TTC23L: variants seen among roughly 807,000 people sequenced by gnomAD.
TTC23L encodes the protein tetratricopeptide repeat protein 23-like.
Under a neutral mutation model 48.1 loss-of-function variants are expected in TTC23L, and 42 were observed. The observed-to-expected ratio is 0.87, with a 90% CI of 0.68 to 1.13. The LOEUF (loss-of-function observed/expected upper bound fraction) is 1.13, where lower values mean the gene tolerates loss of function less well. Among genes scored for constraint, TTC23L ranks in the 50% most tolerant of loss-of-function variants. TTC23L has a pLI of 0.00. For missense variants in TTC23L, 391 were observed against 421.0 expected (o/e 0.93, Z 0.62); for synonymous variants, 159 against 157.2 (o/e 1.01, Z -0.09).
At chr5:34,864,601 T>C in intron 6 of TTC23L, 39 bp downstream of exon 6, 1 of 1,592,540 alleles carries the variant, frequency 6.3e-7, no homozygotes, top group Non-Finnish European at 8.5e-7. Context: ...CTTTTATGAA[T>C]GAGGCTTGGA....
intron 4 of TTC23L, among the ~76,000 whole-genome samples, chr5:34,860,361 C>G (rs1188804218): frequency 6.6e-6 from 1 of 152,180 alleles, no homozygotes; most frequent in Non-Finnish European, 1.5e-5. Context: ...AAGATGAGTC[C>G]TACTTCTTCG....
At chr5:34,915,792 G>T in the TTC23L span, 3 of 1,594,180 alleles carry the variant, frequency 1.9e-6, no homozygotes, top group Non-Finnish European at 2.6e-6. Flanking sequence ...AGGCGAAGAA[G>T]CCAAAAAGAA....
At chr5:34,923,156 T>C in the TTC23L span, 1 of 1,614,004 alleles carries the variant, frequency 6.2e-7, no homozygotes, top group Non-Finnish European at 8.5e-7. Flanking sequence ...CACGGTATCA[T>C]CCCAAAAGCC....
chr5:34,904,295 C>CA (rs751060819), downstream of TTC23L, among the ~76,000 whole-genome samples: 2 of 147,810 alleles, frequency 1.4e-5, no homozygotes, highest in Admixed American at 1.3e-4. Flanking sequence ...AGCAAGCAAA[C>CA]AAAAAAGTTT....
At chr5:34,914,948 G>A in the TTC23L span, 1 of 1,590,356 alleles carries the variant, frequency 6.3e-7, no homozygotes, top group Non-Finnish European at 8.6e-7. Context: ...ACTTCTCGGC[G>A]GATCGCCAAA....
At chr5:34,918,740 A>C in the TTC23L span, 1 of 280,876 alleles carries the variant, frequency 3.6e-6, no homozygotes, top group African/African-American at 2.2e-5. Context: ...CCTTCACTGT[A>C]ATGCTTCTGA....
At chr5:34,870,977 C>T (rs1761410749) in intron 8 of TTC23L, among the ~76,000 whole-genome samples, 1 of 152,146 alleles carries the variant, frequency 6.6e-6, no homozygotes, top group South Asian at 2.1e-4. Context: ...AAGGCATATA[C>T]CAAAAACCCT....
intron 9 of TTC23L, among the ~76,000 whole-genome samples, chr5:34,889,586 A>T (rs1000933679): frequency 6.6e-6 from 1 of 152,180 alleles, no homozygotes; most frequent in Non-Finnish European, 1.5e-5. Context: ...ATCATTACCC[A>T]GAGGAGGATG....
intron 9 of TTC23L, among the ~76,000 whole-genome samples, chr5:34,892,941 G>T (rs1038758886): frequency 6.6e-6 from 1 of 152,144 alleles, no homozygotes; most frequent in Non-Finnish European, 1.5e-5. Flanking sequence ...AACCATCAAA[G>T]AGTTTTGGGT....
At chr5:34,895,835 G>A (rs1763187321) in intron 9 of TTC23L, among the ~76,000 whole-genome samples, 1 of 152,222 alleles carries the variant, frequency 6.6e-6, no homozygotes, top group Admixed American at 6.5e-5. Context: ...TCTTGGGCAA[G>A]ACCTTAGTGA....
intron 2 of TTC23L, among the ~76,000 whole-genome samples, chr5:34,842,348 A>AT (rs34916959): frequency 0.16 from 24,411 of 147,998 alleles, 2,409 homozygotes; most frequent in Non-Finnish European, 0.21. Context: ...GTTGGATAGC[A>AT]TTTTTTTTTT....
chr5:34,866,776 AC>A, intron 6 of TTC23L, 115 bp from the exon 7 acceptor site: 1 of 914,118 alleles, frequency 1.1e-6, no homozygotes, highest in East Asian at 2.7e-5. Context: ...TGAGCCAGCT[AC>A]CAAGATGATG....
In TTC23L at chr5:34,863,964, G is replaced by A. The variant is rs1760866231; in HGVS notation, c.537-473G>A. Among the ~76,000 whole-genome samples, 1 of 152,168 alleles carries A rather than the reference G, an allele frequency of 6.6e-6. No homozygotes were observed. The highest frequency in any genetic ancestry group is 2.4e-5 in the African/African-American group (1 of 41,432). The stretch of plus-strand genomic sequence containing the variant: ...GCTATTGAAAATGTGGGAAATAGAA[G>A]AATGTTTGGGAATTAAGGGGATTTT... On this transcript the variant is annotated intron_variant, in intron 5 of 10. Transcript: ENST00000505624. This position sits in a 1 kb window ranked among gnomAD's most constrained non-coding sequence, Gnocchi z 4.1.
the TTC23L span, among the ~76,000 whole-genome samples, chr5:34,924,503 C>G: frequency 6.6e-6 from 1 of 152,142 alleles, no homozygotes. Context: ...AGAGTTCCCC[C>G]ATAATGTGCT....
chr5:34,892,787 G>T (rs1762954517), intron 9 of TTC23L, among the ~76,000 whole-genome samples: 1 of 152,164 alleles, frequency 6.6e-6, no homozygotes, highest in Non-Finnish European at 1.5e-5. Context: ...CTGAGGAAAA[G>T]CAAGTGGCCT....
intron 8 of TTC23L, among the ~76,000 whole-genome samples, chr5:34,878,679 C>CA (rs1181696935): frequency 6.6e-6 from 1 of 151,862 alleles, no homozygotes; most frequent in African/African-American, 2.4e-5. Context: ...ATGAAAAAGA[C>CA]AAAAAAACAA....
At chr5:34,876,861 A>T (rs1481250391) in intron 8 of TTC23L, among the ~76,000 whole-genome samples, 2 of 152,106 alleles carry the variant, frequency 1.3e-5, no homozygotes, top group African/African-American at 4.8e-5. Context: ...TGGGGGAGGG[A>T]TAGTGTCAGG....
Position 34,864,532 on chromosome 5 carries a change from C to CT in TTC23L, c.633dup (p.Glu212Ter). 6.2e-7 allele frequency: 1 copy of CT among 1,613,722 alleles called. No homozygotes were observed. Reference sequence around the variant, plus strand: ...GGAGGTGTTTGTGAATTACAAGTCTCTGAGAACGACCTAACACTTGCTTTG... The same window carrying CT: ...GGAGGTGTTTGTGAATTACAAGTCTCTTGAGAACGACCTAACACTTGCTTTG... On this transcript the variant is annotated frameshift_variant, in exon 6 of 11. Transcript: ENST00000505624. LOFTEE classifies it high-confidence loss of function.
the TTC23L span, chr5:34,915,884 G>T: frequency 9.0e-6 from 14 of 1,555,858 alleles, no homozygotes; most frequent in African/African-American, 2.7e-5. Flanking sequence ...CGGATCCCAG[G>T]CCCCGTTTGC....
Sources: gnomAD v4.1 joint callset for allele counts (sites outside exome capture counted in the v4.1 genomes callset) on GRCh38, gnomAD v4.1.1 for gene constraint, Gnocchi (gnomAD v3.1) non-coding constraint, MANE v1.5 for transcripts, NCBI Gene and HGNC (gene_info 2026-07-23, HGNC 2026-07-21) for gene names.